The following SLC22A3 variants were observed in gnomAD, a reference collection of about 807,000 sequenced individuals.
SLC22A3 encodes the protein EMT organic cation transporter 3.
A neutral mutation model predicts 59.1 loss-of-function variants in SLC22A3; 51 were observed. The ratio of observed to expected loss-of-function variants is 0.86; its 90% CI spans 0.69 to 1.09. The LOEUF is 1.09. Ranked by LOEUF, SLC22A3 falls within the 50% of genes least tolerant of loss-of-function variation. The pLI is 0.00. For synonymous variants in SLC22A3, 325 were observed against 292.0 expected (o/e 1.11, Z -1.15); for missense variants, 711 against 726.3 (o/e 0.98, Z 0.24).
rs544241984 is a variant in SLC22A3 at position 160,408,874 on chromosome 6, C to T, written c.810C>T (p.Ile270=). The change falls in exon 4 of 11, where the codon ATC becomes ATT. Residue 270 remains isoleucine, a synonymous_variant. Coordinates refer to ENST00000275300, the MANE Select transcript of SLC22A3 (RefSeq NM_021977.4). ...ACTTCATCCCCAACTGGCAAGGAAT[C>T]CAGTTAGCCATCACGCTGCCCAGCT... ...IAYFIPNWQG[I]QLAITLPSFL... 5.0e-6 allele frequency: 8 copies of T among 1,613,776 alleles called. No homozygotes were observed. In the South Asian group the frequency reaches 8.8e-5, roughly 18 times the overall value.
chr6:160,447,767 C>T lies in SLC22A3; in HGVS notation c.1559C>T (p.Thr520Ile). Residue 520 changes from threonine to isoleucine, a missense_variant, in exon 10 of 11, where the codon ACC becomes ATC. Transcript: ENST00000275300. Reference protein sequence around the residue: ...CGGLVMLLPETKGIALPETVD... With the variant: ...CGGLVMLLPEIKGIALPETVD... ...GGCCTTGTGATGCTTTTGCCTGAAA[C>T]CAAGGGTATTGCCTTGCCAGAGACA... 1 of 1,614,070 alleles carries T rather than the reference C, an allele frequency of 6.2e-7. No individual in the cohort carries two copies.
At chr6:160,398,852 A>T (rs1786635298) in intron 2 of SLC22A3, among the ~76,000 whole-genome samples, 1 of 151,814 alleles carries the variant, frequency 6.6e-6, no homozygotes, top group Admixed American at 6.5e-5. Flanking sequence ...ATCTGGCCTA[A>T]TATTGTTCTG....
intron 1 of SLC22A3, among the ~76,000 whole-genome samples, chr6:160,353,477 T>G (rs187088338): frequency 2.0e-5 from 3 of 152,188 alleles, no homozygotes; most frequent in Non-Finnish European, 4.4e-5. Flanking sequence ...ACAGTGGCTG[T>G]GGGTGTGATA....
chr6:160,348,539 C>A lies in SLC22A3; in HGVS notation c.120C>A (p.Val40=). 6.4e-7 allele frequency: 1 copy of A among 1,561,172 alleles called. No homozygotes were observed. Residue 40 remains valine, a synonymous_variant, in exon 1 of 11, where the codon GTC becomes GTA. Coordinates refer to ENST00000275300, the MANE Select transcript of SLC22A3 (RefSeq NM_021977.4). The stretch of plus-strand genomic sequence containing the variant: ...TCGCCTTCCTCTTCGTCGGCGTGGT[C>A]TTCCTGGGCACGCAGCCCGACCACT... ...VTFAFLFVGV[V]FLGTQPDHYW...
chr6:160,351,333 T>C (rs1265371798), intron 1 of SLC22A3, among the ~76,000 whole-genome samples: 1 of 152,196 alleles, frequency 6.6e-6, no homozygotes, highest in African/African-American at 2.4e-5. Context: ...GCCAGGATGG[T>C]CTCGATCTCC....
rs1375412727 is a variant in SLC22A3, at chr6:160,407,192, A to C, written c.685A>C (p.Ile229Leu). The C allele has an allele frequency of 6.2e-7, 1 of 1,606,810 alleles. No individual in the cohort carries two copies. The highest frequency in any genetic ancestry group is 8.5e-7 in the Non-Finnish European group (1 of 1,176,970). ...GKGTWMTCYV[I>L]VTEIVGSKQR... The stretch of plus-strand genomic sequence containing the variant: ...GGGGACGTGGATGACTTGCTACGTG[A>C]TTGGTAAGACATTCTTACACCATCT... Residue 229 changes from isoleucine to leucine, a missense_variant, in exon 3 of 11, where the codon ATT becomes CTT. Physicochemically the swap from Ile to Leu is conservative, Grantham distance 5. Transcript: ENST00000275300.
At chr6:160,393,871 G>A (rs974485435) in intron 1 of SLC22A3, among the ~76,000 whole-genome samples, 7 of 152,120 alleles carry the variant, frequency 4.6e-5, no homozygotes, top group Non-Finnish European at 8.8e-5. Context: ...TAACAAAGAA[G>A]AAAAGCTAAG....
chr6:160,367,994 G>A (rs1468076543), intron 1 of SLC22A3, among the ~76,000 whole-genome samples: 1 of 152,022 alleles, frequency 6.6e-6, no homozygotes, highest in African/African-American at 2.4e-5. Flanking sequence ...TGGGCTGAGA[G>A]CACTGCTGGA....
At chr6:160,411,614 C>T (rs1007932045) in intron 5 of SLC22A3, among the ~76,000 whole-genome samples, 1 of 152,128 alleles carries the variant, frequency 6.6e-6, no homozygotes, top group Non-Finnish European at 1.5e-5. Context: ...TGGTGGCACG[C>T]ACCTGTTGTC....
intron 2 of SLC22A3, among the ~76,000 whole-genome samples, chr6:160,398,805 T>C (rs1786632170): frequency 6.6e-6 from 1 of 152,186 alleles, no homozygotes; most frequent in South Asian, 2.1e-4. Context: ...GCAGGAGTAA[T>C]AGGAATATAG....
chr6:160,383,766 A>G (rs1785884930), intron 1 of SLC22A3, among the ~76,000 whole-genome samples: 1 of 152,126 alleles, frequency 6.6e-6, no homozygotes, highest in Non-Finnish European at 1.5e-5. Flanking sequence ...GATTTATCCA[A>G]CCATGGATAG....
At chr6:160,379,728 T>C (rs919525873) in intron 1 of SLC22A3, among the ~76,000 whole-genome samples, 23 of 152,362 alleles carry the variant, frequency 1.5e-4, no homozygotes, top group African/African-American at 5.5e-4. Context: ...GCCATGTTTT[T>C]CTGATTTGTA....
At chr6:160,427,188 C>T (rs533209046) in intron 5 of SLC22A3, among the ~76,000 whole-genome samples, 352 of 152,158 alleles carry the variant, frequency 2.3e-3, no homozygotes, top group African/African-American at 7.7e-3. Flanking sequence ...TTGAGGGCAA[C>T]GCAGAGACCC....
At chr6:160,410,708 A>C in intron 4 of SLC22A3, 21 bp from the exon 5 acceptor site, 1 of 1,496,792 alleles carries the variant, frequency 6.7e-7, no homozygotes, top group Non-Finnish European at 9.3e-7. Flanking sequence ...CATAACTCAC[A>C]ACAGCCTCCT....
chr6:160,427,202 T>A (rs984381124), intron 5 of SLC22A3, among the ~76,000 whole-genome samples: 1 of 152,116 alleles, frequency 6.6e-6, no homozygotes, highest in Non-Finnish European at 1.5e-5. Context: ...GAGACCCCAC[T>A]GCCGACTTGC....
At chr6:160,399,028 C>T (rs535007772) in intron 2 of SLC22A3, among the ~76,000 whole-genome samples, 1 of 152,298 alleles carries the variant, frequency 6.6e-6, no homozygotes, top group African/African-American at 2.4e-5. Context: ...CAACAAAAGG[C>T]CCCATATCCT....
chr6:160,360,801 A>G (rs930844087), intron 1 of SLC22A3, among the ~76,000 whole-genome samples: 2 of 152,056 alleles, frequency 1.3e-5, no homozygotes, highest in Non-Finnish European at 2.9e-5. Context: ...TTTTACCTTA[A>G]CCTATTATTG....
At chr6:160,365,294 T>TCACC (rs1785167097) in intron 1 of SLC22A3, among the ~76,000 whole-genome samples, 1 of 152,180 alleles carries the variant, frequency 6.6e-6, no homozygotes, top group Non-Finnish European at 1.5e-5. Context: ...GTTTTGTGAC[T>TCACC]CACCCAAGTT....
chr6:160,413,277 G>A (rs1004796251), intron 5 of SLC22A3, among the ~76,000 whole-genome samples: 1 of 152,212 alleles, frequency 6.6e-6, no homozygotes, highest in Non-Finnish European at 1.5e-5. Flanking sequence ...GCACCGTAGA[G>A]ATCATGACAA....
Sources: gnomAD v4.1 joint callset for allele counts (sites outside exome capture counted in the v4.1 genomes callset) on GRCh38, gnomAD v4.1.1 for gene constraint, MANE v1.5 for transcripts, NCBI Gene and HGNC (gene_info 2026-07-23, HGNC 2026-07-21) for gene names.